DIAPH3: variants seen among roughly 807,000 people sequenced by gnomAD.
DIAPH3 encodes protein diaphanous homolog 3.
DIAPH3 carries 117 observed loss-of-function variants against 144.3 expected under a neutral mutation model. The observed-to-expected ratio is 0.81, with a 90% CI of 0.70 to 0.95. DIAPH3 has a LOEUF of 0.95. Among genes scored for constraint, DIAPH3 ranks in the 40% least tolerant of loss-of-function variants. The pLI, the probability that DIAPH3 is intolerant of heterozygous loss-of-function variation, is 0.00. For missense variants in DIAPH3, 1,421 were observed against 1,412.7 expected, an observed-to-expected ratio of 1.01 and a Z score of -0.09; for synonymous variants, 519 against 488.9, an observed-to-expected ratio of 1.06 and a Z score of -0.81.
intron 27 of DIAPH3, among the ~76,000 whole-genome samples, chr13:59,718,928 C>G (rs920795179): frequency 6.6e-6 from 1 of 151,938 alleles, no homozygotes; most frequent in Non-Finnish European, 1.5e-5. Flanking sequence ...GTAGCCCCCC[C>G]CACCTAACTG....
At chr13:59,696,884 T>TTG (rs1466573531) in intron 27 of DIAPH3, among the ~76,000 whole-genome samples, 1 of 152,086 alleles carries the variant, frequency 6.6e-6, no homozygotes, top group African/African-American at 2.4e-5. Flanking sequence ...AAAAGTAAAC[T>TTG]TGTAATTCTA....
At chr13:60,099,627 C>A (rs989395627) in intron 3 of DIAPH3, among the ~76,000 whole-genome samples, 2 of 152,154 alleles carry the variant, frequency 1.3e-5, no homozygotes, top group Non-Finnish European at 1.5e-5. Flanking sequence ...GTCGAAAAAT[C>A]GTTAAATCGA....
chr13:60,063,281 T>C (rs1314660647), intron 4 of DIAPH3, among the ~76,000 whole-genome samples: 1 of 152,202 alleles, frequency 6.6e-6, no homozygotes, highest in Admixed American at 6.5e-5. Context: ...ATTGCAGAAA[T>C]TGTCACATCT....
intron 25 of DIAPH3, among the ~76,000 whole-genome samples, chr13:59,809,072 T>C (rs1298349962): frequency 6.6e-6 from 1 of 152,190 alleles, no homozygotes; most frequent in Non-Finnish European, 1.5e-5. Flanking sequence ...CCCTATCAAG[T>C]TTCAATCTTT....
intron 13 of DIAPH3, 73 bp from the exon 14 acceptor site, chr13:59,980,932 G>GA: frequency 8.0e-7 from 1 of 1,243,044 alleles, no homozygotes; most frequent in Non-Finnish European, 1.2e-6. Flanking sequence ...AGTTTAGAAA[G>GA]AAAAAAGATC....
At chr13:59,753,527 A>G (rs1385260552) in intron 27 of DIAPH3, among the ~76,000 whole-genome samples, 2 of 152,226 alleles carry the variant, frequency 1.3e-5, no homozygotes, top group African/African-American at 4.8e-5. Flanking sequence ...ATAGAAAAGC[A>G]GATATCCTCT....
chr13:59,678,948 G>A (rs2032785014), intron 27 of DIAPH3, among the ~76,000 whole-genome samples: 1 of 152,122 alleles, frequency 6.6e-6, no homozygotes, highest in Admixed American at 6.6e-5. Context: ...GACAACTCAG[G>A]ATAAATAGAA....
At position 60,016,118 on chromosome 13, in the gene DIAPH3, C is replaced by T. The variant is rs776748682; in HGVS notation, c.654G>A (p.Gly218=). The T allele has an allele frequency of 1.2e-6, 2 of 1,613,602 alleles. No individual in the cohort carries two copies. Among genetic ancestry groups the T allele is most frequent in the Non-Finnish European group, 1.7e-6 (2 of 1,179,820 alleles). The change falls in exon 6 of 28, where the codon GGG becomes GGA. Residue 218 remains glycine (G), a synonymous_variant. Coordinates refer to ENST00000400324, the MANE Select transcript of DIAPH3 (RefSeq NM_001042517.2). ...VSWVESFGHE[G]LGLLLDILEK... ...CCAAAATGTCTAATAATAATCCAAG[C>T]CCTTCATGTCCAAAGCTTTCCACCC...
At position 60,113,859 on chromosome 13, in the gene DIAPH3, C is replaced by A. The variant is rs553625350; in HGVS notation, c.214-1673G>T. 5.9e-5 allele frequency among the ~76,000 whole-genome samples: 9 copies of A among 152,146 alleles called. No homozygotes were observed. In the South Asian group the frequency reaches 1.9e-3, roughly 32 times the overall value. ...AATTTCAAGGAGCCCCACATGAAGC[C>A]CCAGCCATTTGGCAAGTCTACACCC... On this transcript the variant is annotated intron_variant, in intron 2 of 27. Coordinates refer to ENST00000400324, the MANE Select transcript of DIAPH3 (RefSeq NM_001042517.2).
intron 4 of DIAPH3, among the ~76,000 whole-genome samples, chr13:60,049,977 G>A (rs1226805104): frequency 1.3e-5 from 2 of 152,132 alleles, no homozygotes; most frequent in Non-Finnish European, 2.9e-5. Context: ...ATTGCTAGAG[G>A]CCAGGAGTTT....
In DIAPH3 at chr13:60,002,461, G is replaced by T. The variant is rs571052546; in HGVS notation, c.1014+6083C>A. ...TTACACTATGAGTGTCACAATATGG[G>T]CTTTGGGACTGACACAAAGCTGATA... On this transcript the variant is annotated intron_variant, in intron 9 of 27. Transcript: ENST00000400324. Among the ~76,000 whole-genome samples the T allele has an allele frequency of 1.1e-3, 166 of 152,264 alleles. 1 individual carries two copies. The highest frequency in any genetic ancestry group is 1.5e-4 in the Non-Finnish European group (10 of 68,012).
intron 2 of DIAPH3, among the ~76,000 whole-genome samples, chr13:60,126,451 C>T (rs2058993339): frequency 6.6e-6 from 1 of 152,090 alleles, no homozygotes; most frequent in Non-Finnish European, 1.5e-5. Context: ...CACTTTACTG[C>T]AAAGCTTCAA....
intron 5 of DIAPH3, among the ~76,000 whole-genome samples, chr13:60,034,049 C>T (rs2141125827): frequency 6.6e-6 from 1 of 152,282 alleles, no homozygotes; most frequent in Admixed American, 6.5e-5. Flanking sequence ...TACTCTAAGA[C>T]ATAATAACAA....
chr13:59,684,004 A>G (rs1480100152), intron 27 of DIAPH3, among the ~76,000 whole-genome samples: 1 of 151,880 alleles, frequency 6.6e-6, no homozygotes, highest in African/African-American at 2.4e-5. Context: ...GTTAATTCTG[A>G]CATACTCAGT....
chr13:59,863,905 A>C (rs773146050), intron 21 of DIAPH3, among the ~76,000 whole-genome samples: 1 of 152,174 alleles, frequency 6.6e-6, no homozygotes, highest in African/African-American at 2.4e-5. Flanking sequence ...AATAGTCTTG[A>C]GCACATTACT....
At chr13:60,111,420 T>C (rs2058564200) in intron 3 of DIAPH3, among the ~76,000 whole-genome samples, 1 of 152,198 alleles carries the variant, frequency 6.6e-6, no homozygotes, top group Non-Finnish European at 1.5e-5. Flanking sequence ...TAACATGGAC[T>C]GGACTCAGAC....
chr13:59,801,641 T>A (rs1270656178), intron 25 of DIAPH3, among the ~76,000 whole-genome samples: 1 of 152,208 alleles, frequency 6.6e-6, no homozygotes, highest in Admixed American at 6.5e-5. Flanking sequence ...CTATTTTCTG[T>A]TACTATGCTA....
intron 2 of DIAPH3, among the ~76,000 whole-genome samples, chr13:60,124,231 T>C (rs1045430445): frequency 4.6e-5 from 7 of 152,180 alleles, no homozygotes; most frequent in African/African-American, 1.7e-4. Flanking sequence ...AGAACCTACA[T>C]CCACAGCAGG....
At chr13:59,737,851 A>T (rs999717425) in intron 27 of DIAPH3, among the ~76,000 whole-genome samples, 3 of 152,164 alleles carry the variant, frequency 2.0e-5, no homozygotes, top group African/African-American at 4.8e-5. Context: ...AGAAATATAC[A>T]AGGCCTATCT....
Sources: allele counts gnomAD v4.1 joint callset (sites outside exome capture counted in the v4.1 genomes callset), GRCh38; gene constraint gnomAD v4.1.1; transcripts MANE v1.5; gene names NCBI Gene and HGNC (gene_info 2026-07-23, HGNC 2026-07-21).